The following MECOM variants were observed in gnomAD, a reference collection of about 807,000 sequenced individuals.
The protein encoded by MECOM is histone-lysine N-methyltransferase MECOM.
Under a neutral mutation model 116.3 loss-of-function variants are expected in MECOM, and 13 were observed. That is an observed-to-expected ratio of 0.11 (90% CI 0.07 to 0.18). The LOEUF is 0.18. Ranked by LOEUF, MECOM falls within the 10% of genes least tolerant of loss-of-function variation. The pLI, the probability that MECOM is intolerant of heterozygous loss-of-function variation, is 1.00. For missense variants in MECOM, 1,299 were observed against 1,509.0 expected (o/e 0.86, Z 2.31); for synonymous variants, 528 against 535.2 (o/e 0.99, Z 0.19).
chr3:169,144,750 T>C (rs1165134299), intron 2 of MECOM, among the ~76,000 whole-genome samples: 1 of 152,176 alleles, frequency 6.6e-6, no homozygotes, highest in Non-Finnish European at 1.5e-5. Flanking sequence ...GTTGTTGACC[T>C]GATGGTGAAT....
intron 10 of MECOM, 29 bp from the exon 11 acceptor site, chr3:169,102,255 G>A (rs1185459278): frequency 6.3e-7 from 1 of 1,586,520 alleles, no homozygotes; most frequent in Admixed American, 1.7e-5. Flanking sequence ...AGACCATGAA[G>A]CGTTTGGCAT....
chr3:169,331,300 G>A (rs1024680225), intron 2 of MECOM, among the ~76,000 whole-genome samples: 2 of 152,054 alleles, frequency 1.3e-5, no homozygotes, highest in Admixed American at 1.3e-4. Flanking sequence ...ACCACTTACT[G>A]ATTGTCTGGG....
intron 2 of MECOM, among the ~76,000 whole-genome samples, chr3:169,191,736 GAAAGAGAAAGAAAGAAAGAAAGAA>G (rs1747651539): frequency 1.3e-4 from 4 of 31,174 alleles, no homozygotes; most frequent in African/African-American, 2.7e-4. Flanking sequence ...AAGAAAGAAA[GAAAGAGAAAGAAAGAAAGAAAGAA>G]AGAAAGAAAG....
rs189031179 is a variant in MECOM, at chr3:169,345,137, G to A, written c.375+36050C>T. 5.4e-4 allele frequency among the ~76,000 whole-genome samples: 82 copies of A among 152,166 alleles called. 1 individual carries two copies. The highest frequency in any genetic ancestry group is 6.6e-4 in the Admixed American group (10 of 15,260). On this transcript the variant is annotated intron_variant, in intron 2 of 16. Transcript: ENST00000651503. The stretch of plus-strand genomic sequence containing the variant: ...TAAATGCATTAATCCAGCTGTAAGG[G>A]ACCTGCATCATAGCAATAATTGCAC...
chr3:169,556,565 C>A (rs374503348), intron 1 of MECOM, among the ~76,000 whole-genome samples: 1 of 152,184 alleles, frequency 6.6e-6, no homozygotes, highest in Non-Finnish European at 1.5e-5. Flanking sequence ...CCCACCCCTG[C>A]GTCATCCCCT....
intron 2 of MECOM, among the ~76,000 whole-genome samples, chr3:169,282,150 T>A (rs896268196): frequency 6.6e-6 from 1 of 152,202 alleles, no homozygotes; most frequent in Non-Finnish European, 1.5e-5. Context: ...CTTAATTAGG[T>A]TCCTGGGGGA....
chr3:169,482,325 G>GTTCTTTTTTTTTT (rs1560334105), intron 1 of MECOM, among the ~76,000 whole-genome samples: 1 of 103,662 alleles, frequency 9.6e-6, no homozygotes, highest in East Asian at 2.7e-4. Flanking sequence ...CTTAACCCAC[G>GTTCTTTTTTTTTT]TTCTTTTTTT....
chr3:169,420,874 T>C (rs1249994004), intron 1 of MECOM, among the ~76,000 whole-genome samples: 1 of 152,176 alleles, frequency 6.6e-6, no homozygotes, highest in Non-Finnish European at 1.5e-5. Flanking sequence ...TAAATGAACC[T>C]TGAAGATAAC....
At chr3:169,461,008 T>C (rs1358984374) in intron 1 of MECOM, among the ~76,000 whole-genome samples, 1 of 152,140 alleles carries the variant, frequency 6.6e-6, no homozygotes, top group Non-Finnish European at 1.5e-5. Flanking sequence ...CTGTTCCTTC[T>C]CAGCCAGTAA....
chr3:169,247,835 G>T (rs1755779556), intron 2 of MECOM, among the ~76,000 whole-genome samples: 1 of 152,136 alleles, frequency 6.6e-6, no homozygotes, highest in African/African-American at 2.4e-5. Flanking sequence ...TATTTAAACA[G>T]AATCTTTGGA....
intron 1 of MECOM, among the ~76,000 whole-genome samples, chr3:169,385,026 C>A (rs1171678689): frequency 6.6e-6 from 1 of 151,286 alleles, no homozygotes; most frequent in African/African-American, 2.4e-5. Flanking sequence ...ATTGCTTGAG[C>A]CCGGGAGACA....
intron 2 of MECOM, among the ~76,000 whole-genome samples, chr3:169,222,013 AAT>A (rs1752197589): frequency 6.6e-6 from 1 of 152,002 alleles, no homozygotes; most frequent in Admixed American, 6.6e-5. Flanking sequence ...TCACTATTTA[AAT>A]TTTAATTACT....
chr3:169,580,563 T>C (rs1487357562), intron 1 of MECOM, among the ~76,000 whole-genome samples: 1 of 152,182 alleles, frequency 6.6e-6, no homozygotes, highest in East Asian at 1.9e-4. Context: ...GGTTTAGAAC[T>C]CAGATACTGG....
chr3:169,249,318 C>T (rs1011690640), intron 2 of MECOM, among the ~76,000 whole-genome samples: 2 of 152,140 alleles, frequency 1.3e-5, no homozygotes, highest in East Asian at 3.9e-4. Context: ...ACATCTAGTG[C>T]CACAACCTAG....
intron 1 of MECOM, among the ~76,000 whole-genome samples, chr3:169,460,411 T>C (rs956519644): frequency 6.6e-6 from 1 of 152,160 alleles, no homozygotes; most frequent in Non-Finnish European, 1.5e-5. Context: ...AATAGAAGTA[T>C]TGGGTCATAG....
At chr3:169,487,429 T>C (rs183095340) in intron 1 of MECOM, among the ~76,000 whole-genome samples, 1 of 152,206 alleles carries the variant, frequency 6.6e-6, no homozygotes, top group East Asian at 1.9e-4. Context: ...AGTGTTTCCA[T>C]ATTTCAGAAA....
intron 2 of MECOM, among the ~76,000 whole-genome samples, chr3:169,337,082 G>C (rs1378994951): frequency 6.6e-6 from 1 of 152,118 alleles, no homozygotes; most frequent in Non-Finnish European, 1.5e-5. Flanking sequence ...TTGCGTCCAT[G>C]AATAAGATTT....
chr3:169,103,571 G>A (rs1724319623), intron 10 of MECOM, among the ~76,000 whole-genome samples: 2 of 152,156 alleles, frequency 1.3e-5, no homozygotes, highest in African/African-American at 2.4e-5. Flanking sequence ...CATAAGAACT[G>A]AGATGATCAC....
intron 2 of MECOM, among the ~76,000 whole-genome samples, chr3:169,332,779 C>T (rs971999813): frequency 2.6e-5 from 4 of 152,094 alleles, no homozygotes; most frequent in African/African-American, 9.7e-5. Flanking sequence ...TTCATCAGTG[C>T]ATTTATTGGT....
Sources: gnomAD v4.1 joint callset for allele counts (sites outside exome capture counted in the v4.1 genomes callset) on GRCh38, gnomAD v4.1.1 for gene constraint, MANE v1.5 for transcripts, NCBI Gene and HGNC (gene_info 2026-07-23, HGNC 2026-07-21) for gene names.